GRIN2A: variants seen among roughly 807,000 people sequenced by gnomAD.
GRIN2A encodes glutamate receptor ionotropic, NMDA 2A.
GRIN2A carries 22 observed loss-of-function variants against 113.4 expected under a neutral mutation model. The observed-to-expected ratio is 0.19, with a 90% CI of 0.14 to 0.28. GRIN2A has a LOEUF of 0.28. Ranked by LOEUF, GRIN2A falls within the 10% of genes least tolerant of loss-of-function variation. The pLI, the probability that GRIN2A is intolerant of heterozygous loss-of-function variation, is 1.00. For synonymous variants in GRIN2A, 827 were observed against 738.4 expected (o/e 1.12, Z -1.94); for missense variants, 1,502 against 1,887.0 (o/e 0.80, Z 3.78).
intron 2 of GRIN2A, among the ~76,000 whole-genome samples, chr16:10,069,997 C>A (rs2047719719): frequency 6.6e-6 from 1 of 152,088 alleles, no homozygotes; most frequent in Admixed American, 6.5e-5. Context: ...GCCTATCCAC[C>A]CCTCCCTCCT....
At chr16:10,028,763 A>C (rs559299946) in intron 2 of GRIN2A, among the ~76,000 whole-genome samples, 6 of 152,340 alleles carry the variant, frequency 3.9e-5, no homozygotes, top group Admixed American at 6.5e-5. Flanking sequence ...CAGGCCATGC[A>C]GTCTCTCTCA....
chr16:10,179,943 G>A (rs2050225544), intron 2 of GRIN2A, 55 bp downstream of exon 2: 2 of 1,465,928 alleles, frequency 1.4e-6, no homozygotes, highest in Admixed American at 1.7e-5. Context: ...TGCAGCAGCT[G>A]CCATGCAGCT....
intron 2 of GRIN2A, among the ~76,000 whole-genome samples, chr16:9,955,488 A>C (rs190619180): frequency 6.6e-6 from 1 of 152,208 alleles, no homozygotes; most frequent in African/African-American, 2.4e-5. Flanking sequence ...GTGCAAAAGT[A>C]AATTACTGTT....
intron 3 of GRIN2A, among the ~76,000 whole-genome samples, chr16:9,920,661 G>A (rs1437183510): frequency 6.6e-6 from 1 of 151,688 alleles, no homozygotes; most frequent in African/African-American, 2.4e-5. Context: ...CGCCTCCCAG[G>A]TTCAAACGAT....
At position 9,822,234 on chromosome 16, in the gene GRIN2A, C is replaced by G. The variant is rs2042299563; in HGVS notation, c.2168+30G>C. 3.7e-6 allele frequency: 6 copies of G among 1,609,892 alleles called. No homozygotes were observed. The East Asian group carries it at 1.3e-4, about 36-fold the overall frequency. On this transcript the variant is annotated intron_variant, in intron 10 of 12. Transcript: ENST00000330684. ...TCTGTAAGGTTTATCGCTCGCAGAC[C>G]TGTGGTGAAAAGGAAACTGCCATCC...
intron 2 of GRIN2A, among the ~76,000 whole-genome samples, chr16:10,061,500 T>C (rs1596470790): frequency 6.6e-6 from 1 of 152,338 alleles, no homozygotes; most frequent in African/African-American, 2.4e-5. Context: ...TTCACTCTGA[T>C]TTAAATACAG....
At chr16:9,799,810 G>A (rs1903246640) in intron 10 of GRIN2A, among the ~76,000 whole-genome samples, 1 of 152,038 alleles carries the variant, frequency 6.6e-6, no homozygotes, top group African/African-American at 2.4e-5. Context: ...TAACGTATGT[G>A]TAATAAAATG....
chr16:10,027,488 T>C (rs1033746250), intron 2 of GRIN2A: 2 of 152,156 alleles, frequency 1.3e-5, no homozygotes, highest in African/African-American at 4.8e-5. Flanking sequence ...ACTAGCTGAG[T>C]GAGGTTGGTG....
In GRIN2A at chr16:10,009,910, A is replaced by G. The variant is rs534783180; in HGVS notation, c.415-71359T>C. Among the ~76,000 whole-genome samples the G allele has an allele frequency of 2.0e-5, 3 of 152,246 alleles. No individual in the cohort carries two copies. The South Asian group carries it at 6.2e-4, about 32-fold the overall frequency. ...GGACCACAATGAACAAGAGGCAGAG[A>G]CAGGCCGGATGATGGCCAAATGCAC... On this transcript the variant is annotated intron_variant, in intron 2 of 12. Transcript: ENST00000330684.
intron 2 of GRIN2A, among the ~76,000 whole-genome samples, chr16:10,044,017 A>C (rs892486596): frequency 2.4e-5 from 3 of 124,868 alleles, no homozygotes; most frequent in Non-Finnish European, 4.9e-5. Flanking sequence ...GTATATATAT[A>C]TATATAGAGA....
chr16:9,805,944 T>TA (rs994904691), intron 10 of GRIN2A, among the ~76,000 whole-genome samples: 1 of 152,216 alleles, frequency 6.6e-6, no homozygotes, highest in African/African-American at 2.4e-5. Flanking sequence ...CAGAATGGTC[T>TA]AAAACTGGCT....
At chr16:9,804,271 C>T (rs138017810) in intron 10 of GRIN2A, among the ~76,000 whole-genome samples, 1 of 152,200 alleles carries the variant, frequency 6.6e-6, no homozygotes, top group African/African-American at 2.4e-5. Context: ...GGTTGAGCTG[C>T]GACTGCTGGA....
chr16:9,858,452 A>G (rs1022323371), intron 4 of GRIN2A, among the ~76,000 whole-genome samples: 1 of 151,970 alleles, frequency 6.6e-6, no homozygotes, highest in Admixed American at 6.6e-5. Flanking sequence ...GTGGGAGGAG[A>G]AAAAAAATCT....
chr16:10,015,727 G>A (rs752980321), intron 2 of GRIN2A, among the ~76,000 whole-genome samples: 9 of 152,128 alleles, frequency 5.9e-5, no homozygotes, highest in African/African-American at 1.2e-4. Context: ...TACTATTTAC[G>A]AGGTGATGGC....
At chr16:9,789,513 G>T (rs1902460027) in intron 11 of GRIN2A, among the ~76,000 whole-genome samples, 1 of 151,164 alleles carries the variant, frequency 6.6e-6, no homozygotes, top group Non-Finnish European at 1.5e-5. Flanking sequence ...TAGAGAATTT[G>T]GAAAACAAAC....
chr16:9,795,018 G>A lies in GRIN2A; in HGVS notation c.2356+3259C>T, dbSNP rs553192858. Among the ~76,000 whole-genome samples, 15 of 151,622 alleles carry A rather than the reference G, an allele frequency of 9.9e-5. No homozygotes were observed. In the South Asian group the frequency reaches 3.1e-3, roughly 32 times the overall value. On this transcript the variant is annotated intron_variant, in intron 11 of 12. Transcript: ENST00000330684. ...TGAGGATGATGGCAATGGTCATGATGATGATGATGATGACGGTGATGGTGG... is the reference window on the plus strand; with the variant it reads ...TGAGGATGATGGCAATGGTCATGATAATGATGATGATGACGGTGATGGTGG...
chr16:9,783,137 T>C (rs780709981), intron 11 of GRIN2A, among the ~76,000 whole-genome samples: 10 of 152,210 alleles, frequency 6.6e-5, no homozygotes, highest in Non-Finnish European at 1.3e-4. Flanking sequence ...GTATTATCTT[T>C]GTGTATACAT....
rs1567356940 is a variant in GRIN2A at position 10,182,351 on chromosome 16, CT to C, written c.-494del. On this transcript the variant is annotated 5_prime_UTR_variant, in exon 1 of 13. Coordinates refer to ENST00000330684, the MANE Select transcript of GRIN2A (RefSeq NM_001134407.3). Reference sequence around the variant, plus strand: ...AACTGGGCACCTCCACCCGCACCCCCTACCACCTCCCCAGCGCCGGCTGCTG... The same window carrying C: ...AACTGGGCACCTCCACCCGCACCCCCACCACCTCCCCAGCGCCGGCTGCTG... 6.6e-6 allele frequency: 1 copy of C among 152,358 alleles called. No individual in the cohort carries two copies. Among genetic ancestry groups the C allele is most frequent in the Non-Finnish European group, 1.5e-5 (1 of 68,182 alleles). 9.4% of individuals were successfully genotyped at this position (152,358 alleles called of 1,614,324 possible). A position where few individuals can be genotyped will look rare whatever the true frequency, so the allele number is the denominator to read the frequency against.
intron 2 of GRIN2A, among the ~76,000 whole-genome samples, chr16:9,997,111 T>C (rs2046237032): frequency 1.3e-5 from 2 of 152,166 alleles, no homozygotes; most frequent in African/African-American, 4.8e-5. Flanking sequence ...GAAAATTTCC[T>C]CCAAAATCGA....
Sources: allele counts gnomAD v4.1 joint callset (sites outside exome capture counted in the v4.1 genomes callset), GRCh38; gene constraint gnomAD v4.1.1; transcripts MANE v1.5; gene names NCBI Gene and HGNC (gene_info 2026-07-23, HGNC 2026-07-21).